The following NUGGC variants were observed in gnomAD, a reference collection of about 807,000 sequenced individuals.
NUGGC encodes the protein nuclear GTPase SLIP-GC.
NUGGC carries 58 observed loss-of-function variants against 92.6 expected under a neutral mutation model. That is an observed-to-expected ratio of 0.63 (90% confidence interval 0.51 to 0.78). The LOEUF (loss-of-function observed/expected upper bound fraction) is 0.78. NUGGC is among the 30% of genes least tolerant of loss of function. The probability of loss-of-function intolerance (pLI) is 0.00; values close to 1 mark genes in which losing one functional copy is unlikely to be tolerated. For synonymous variants in NUGGC, 376 were observed against 366.4 expected, an observed-to-expected ratio of 1.03 and a Z score of -0.30; for missense variants, 925 against 964.6, an observed-to-expected ratio of 0.96 and a Z score of 0.54.
At chr8:28,028,326 A>G (rs11993800) in intron 17 of NUGGC, among the ~76,000 whole-genome samples, 124,621 of 152,196 alleles carry the variant, frequency 0.82, 51,323 homozygotes, top group Non-Finnish European at 0.85. Context: ...AACTGCTGCT[A>G]GTGAACAAGA....
At chr8:28,071,957 G>A (rs770810551) in intron 2 of NUGGC, among the ~76,000 whole-genome samples, 8 of 152,106 alleles carry the variant, frequency 5.3e-5, no homozygotes, top group African/African-American at 1.2e-4. Context: ...ATCCAAGAAC[G>A]GCAGCCCACA....
chr8:28,078,064 A>G (rs1810765812), intron 1 of NUGGC, among the ~76,000 whole-genome samples: 2 of 152,348 alleles, frequency 1.3e-5, no homozygotes, highest in Middle Eastern at 6.8e-3. Flanking sequence ...GGCCGTTAGC[A>G]TGTAACTAGC....
At chr8:28,060,131 C>T (rs1304934551) in intron 8 of NUGGC, among the ~76,000 whole-genome samples, 2 of 152,126 alleles carry the variant, frequency 1.3e-5, no homozygotes, top group South Asian at 2.1e-4. Context: ...TCACATCACA[C>T]AGTGCAGGAG....
At chr8:28,072,879 GA>G (rs1297223861) in intron 2 of NUGGC, among the ~76,000 whole-genome samples, 1 of 151,854 alleles carries the variant, frequency 6.6e-6, no homozygotes, top group East Asian at 1.9e-4. Flanking sequence ...TGTTGGGGTG[GA>G]TAGCGGCAGT....
At chr8:28,042,858 T>C (rs1809734797) in intron 12 of NUGGC, among the ~76,000 whole-genome samples, 2 of 152,252 alleles carry the variant, frequency 1.3e-5, no homozygotes, top group African/African-American at 4.8e-5. Context: ...TGTGACCTGA[T>C]ACAGGTGATT....
chr8:28,063,098 G>T (rs189612954), intron 7 of NUGGC, among the ~76,000 whole-genome samples: 1 of 152,108 alleles, frequency 6.6e-6, no homozygotes, highest in African/African-American at 2.4e-5. Context: ...TTCATAACGG[G>T]TTTTAGGGAA....
At chr8:28,026,078 T>C (rs1809252665) in intron 18 of NUGGC, among the ~76,000 whole-genome samples, 1 of 152,360 alleles carries the variant, frequency 6.6e-6, no homozygotes, top group African/African-American at 2.4e-5. Flanking sequence ...TAATATATTT[T>C]GGAGATCATT....
At chr8:28,076,073 C>T (rs544615952) in intron 1 of NUGGC, among the ~76,000 whole-genome samples, 1 of 152,346 alleles carries the variant, frequency 6.6e-6, no homozygotes, top group Non-Finnish European at 1.5e-5. Flanking sequence ...TCCCCGGCTC[C>T]ATACACACCT....
chr8:28,059,488 C>T (rs1010080715), intron 8 of NUGGC, among the ~76,000 whole-genome samples: 7 of 152,030 alleles, frequency 4.6e-5, no homozygotes, highest in African/African-American at 1.2e-4. Context: ...TACCTTCTCC[C>T]GAAGTTCTAA....
chr8:28,069,630 G>T lies in NUGGC; in HGVS notation c.171C>A (p.Thr57=), dbSNP rs748706156. The change falls in exon 4 of 19, where the codon ACC becomes ACA. Residue 57 remains threonine, a synonymous_variant. Transcript: ENST00000413272. Reference sequence around the variant, plus strand: ...GATAAGTGTTGCTCAAAACCCTTCTGGTCCGTGATTCCAATTTTTCATCTG... The same window carrying T: ...GATAAGTGTTGCTCAAAACCCTTCTTGTCCGTGATTCCAATTTTTCATCTG... ...LKEYEKLESR[T]RRVLSNTYQK... is the part of the protein sequence containing the mutation. 2.5e-6 allele frequency: 4 copies of T among 1,608,900 alleles called. No homozygotes were observed. In the South Asian group the frequency reaches 3.3e-5, roughly 13 times the overall value.
intron 1 of NUGGC, among the ~76,000 whole-genome samples, chr8:28,080,997 G>T (rs963620581): frequency 6.6e-6 from 1 of 150,654 alleles, no homozygotes; most frequent in Admixed American, 6.6e-5. Context: ...ATATAGGATA[G>T]AATTGGTTTT....
intron 6 of NUGGC, among the ~76,000 whole-genome samples, chr8:28,065,744 G>A (rs1037223622): frequency 2.6e-5 from 4 of 152,188 alleles, no homozygotes; most frequent in Non-Finnish European, 5.9e-5. Flanking sequence ...AGATAAGAAT[G>A]TCAGTTCTTA....
At chr8:28,053,375 G>A (rs1247596745) in intron 10 of NUGGC, among the ~76,000 whole-genome samples, 1 of 152,078 alleles carries the variant, frequency 6.6e-6, no homozygotes, top group Non-Finnish European at 1.5e-5. Context: ...GGTGGTCAGG[G>A]GGTGCGGAGT....
At chr8:28,053,374 G>A (rs530191092) in intron 10 of NUGGC, among the ~76,000 whole-genome samples, 2 of 152,262 alleles carry the variant, frequency 1.3e-5, no homozygotes, top group African/African-American at 2.4e-5. Flanking sequence ...TGGTGGTCAG[G>A]GGGTGCGGAG....
At chr8:28,074,104 C>CTTTT (rs746696076) in intron 2 of NUGGC, among the ~76,000 whole-genome samples, 2 of 140,148 alleles carry the variant, frequency 1.4e-5, no homozygotes, top group Non-Finnish European at 3.1e-5. Context: ...CAGCCTGGAA[C>CTTTT]TTTTTTTTTT....
At chr8:28,073,561 C>G (rs1349794169) in intron 2 of NUGGC, among the ~76,000 whole-genome samples, 14 of 152,260 alleles carry the variant, frequency 9.2e-5, no homozygotes. Context: ...TTTTCTGCAA[C>G]TGGGGGTTAT....
Position 28,033,710 on chromosome 8 carries a change from C to T in NUGGC, c.1612-13G>A, listed in dbSNP as rs765142589. On this transcript the variant is annotated splice_polypyrimidine_tract_variant and intron_variant, in intron 13 of 18. Coordinates refer to ENST00000413272, the MANE Select transcript of NUGGC (RefSeq NM_001010906.2). The stretch of plus-strand genomic sequence containing the variant: ...TTCCTTTACTCCTCTAGACAATCAA[C>T]AATAAATTAGCAGAGTTAGGCATTA... The T allele has an allele frequency of 1.2e-6, 2 of 1,612,816 alleles. No individual in the cohort carries two copies. Among genetic ancestry groups the T allele is most frequent in the Non-Finnish European group, 1.7e-6 (2 of 1,179,252 alleles).
chr8:28,055,763 G>A (rs1423959986), intron 10 of NUGGC, among the ~76,000 whole-genome samples: 1 of 152,126 alleles, frequency 6.6e-6, no homozygotes, highest in Non-Finnish European at 1.5e-5. Context: ...AGCCTGGGAG[G>A]CAGAGGTTGC....
chr8:28,057,330 C>CTTTTTTTTT (rs57167648), intron 9 of NUGGC, among the ~76,000 whole-genome samples: 49 of 124,004 alleles, frequency 4.0e-4, no homozygotes, highest in African/African-American at 8.0e-4. Context: ...ATTTTCTTTC[C>CTTTTTTTTT]TTTTTTTTTT....
Sources: allele counts gnomAD v4.1 joint callset (sites outside exome capture counted in the v4.1 genomes callset), GRCh38; gene constraint gnomAD v4.1.1; transcripts MANE v1.5; gene names NCBI Gene and HGNC (gene_info 2026-07-23, HGNC 2026-07-21).